Variants in C11orf71 observed in about 807,000 individuals in gnomAD.
C11orf71 encodes chromosome 11 open reading frame 71.
For missense variants in C11orf71, 179 were observed against 167.6 expected (o/e 1.07, Z -0.38); for synonymous variants, 72 against 73.4 (o/e 0.98, Z 0.09).
chr11:114,396,821 G>A (rs1021843725), downstream of C11orf71, among the ~76,000 whole-genome samples: 6 of 152,132 alleles, frequency 3.9e-5, no homozygotes, highest in Non-Finnish European at 8.8e-5. Context: ...TAATTCTGCT[G>A]GAAAGAAAGT....
chr11:114,391,736 A>G (rs1946074195), intron 1 of C11orf71: 1 of 591,648 alleles, frequency 1.7e-6, no homozygotes, highest in Admixed American at 3.5e-5. Context: ...TGTCCCAGCA[A>G]AAGGGATTCA....
At chr11:114,394,212 T>C (rs1176115520), downstream of C11orf71, among the ~76,000 whole-genome samples, 5 of 58,450 alleles carry the variant, frequency 8.6e-5, no homozygotes, top group South Asian at 5.0e-4. Context: ...TCTTTTCTTT[T>C]CTTTTCTTTT....
chr11:114,392,010 C>T (rs1438668248), intron 1 of C11orf71, among the ~76,000 whole-genome samples: 1 of 151,644 alleles, frequency 6.6e-6, no homozygotes, highest in Non-Finnish European at 1.5e-5. Context: ...GATTATCAAG[C>T]TGAGTTAAAC....
At position 114,399,701 on chromosome 11, in the gene C11orf71, C is replaced by T; in HGVS notation, c.*259G>A. ...TTGTTGACCTCTGGGGAGGGTGCTC[C>T]CATCAGCTCAGCTTTGTGACGACCT... is the stretch of plus-strand genomic sequence containing the variant. On this transcript the variant is annotated 3_prime_UTR_variant, in exon 1 of 1. Coordinates refer to ENST00000623205, the MANE Select transcript of C11orf71 (RefSeq NM_001271562.2). 3 of 463,930 alleles carry T rather than the reference C, an allele frequency of 6.5e-6. No homozygotes were observed. The highest frequency in any genetic ancestry group is 1.1e-5 in the Non-Finnish European group (3 of 267,486). 28.7% of individuals were successfully genotyped at this position (463,930 alleles called of 1,614,324 possible). A position where few individuals can be genotyped will look rare whatever the true frequency, so the allele number is the denominator to read the frequency against.
At chr11:114,391,897 C>T (rs372849673) in intron 1 of C11orf71, among the ~76,000 whole-genome samples, 6 of 149,034 alleles carry the variant, frequency 4.0e-5, no homozygotes, top group East Asian at 2.0e-4. Flanking sequence ...GGGATAGACA[C>T]GTAGTTAAAG....
chr11:114,394,174 G>GTTTCTTTTTTTTCT (rs1187890536), downstream of C11orf71, among the ~76,000 whole-genome samples: 1 of 77,520 alleles, frequency 1.3e-5, no homozygotes, highest in East Asian at 3.3e-4. Flanking sequence ...TAGAGACGGG[G>GTTTCTTTTTTTTCT]TTTCGTTTCT....
At chr11:114,391,585 A>G (rs998629056) in exon 2 of C11orf71, 3 of 1,528,746 alleles carry the variant, frequency 2.0e-6, no homozygotes, top group Middle Eastern at 1.7e-4. Context: ...AAAATTTCAA[A>G]AATATTTGAA....
downstream of C11orf71, among the ~76,000 whole-genome samples, chr11:114,394,179 G>GTTTCTTTTCTTTTCTTTTCTTTTCT (rs1226365240): frequency 1.0e-3 from 81 of 80,258 alleles, 3 homozygotes; most frequent in Middle Eastern, 6.8e-3. Context: ...ACGGGGTTTC[G>GTTTCTTTTCTTTTCTTTTCTTTTCT]TTTCTTTTCT....
At chr11:114,392,594 G>T (rs2365884) in intron 1 of C11orf71, among the ~76,000 whole-genome samples, 30,930 of 149,472 alleles carry the variant, frequency 0.21, 3,397 homozygotes, top group East Asian at 0.4. Context: ...AGCTGGGTAT[G>T]GTGGTGTGTG....
In C11orf71 at chr11:114,399,447, T is replaced by C. The variant is rs1946159402; in HGVS notation, c.*513A>G. Reference sequence around the variant, plus strand: ...CTTTGCCAAAGAAAGGAATAATAAATTGATTTAATAATTTGAAAGAACTGT... The same window carrying C: ...CTTTGCCAAAGAAAGGAATAATAAACTGATTTAATAATTTGAAAGAACTGT... On this transcript the variant is annotated 3_prime_UTR_variant, in exon 1 of 1. Transcript: ENST00000623205. 1 of 152,480 alleles carries C rather than the reference T, an allele frequency of 6.6e-6. No homozygotes were observed. The allele number at this position is 152,480 out of a possible 1,614,324, so 9.4% of individuals were successfully genotyped here.
At chr11:114,394,699 C>G (rs117925360), downstream of C11orf71, among the ~76,000 whole-genome samples, 1 of 152,008 alleles carries the variant, frequency 6.6e-6, no homozygotes, top group Non-Finnish European at 1.5e-5. Context: ...TGAGCCACCA[C>G]GCCCAGCCAG....
In C11orf71 at chr11:114,399,951, G is replaced by A. The variant is rs1946168048; in HGVS notation, c.*9C>T. On this transcript the variant is annotated 3_prime_UTR_variant, in exon 1 of 1. Transcript: ENST00000623205. ...CAAGCTAAGTGAGGGCCAGAGGAAAGGTGTTCGTTTAAACTGAAATTCGAG... is the reference window on the plus strand; with the variant it reads ...CAAGCTAAGTGAGGGCCAGAGGAAAAGTGTTCGTTTAAACTGAAATTCGAG... 2.4e-5 allele frequency: 38 copies of A among 1,588,004 alleles called. No homozygotes were observed. Among genetic ancestry groups the A allele is most frequent in the Non-Finnish European group, 3.2e-5 (37 of 1,161,522 alleles).
chr11:114,396,419 T>C (rs1355394619), downstream of C11orf71, among the ~76,000 whole-genome samples: 2 of 152,222 alleles, frequency 1.3e-5, no homozygotes, highest in East Asian at 3.8e-4. Context: ...GTGAAAGTTC[T>C]GTAGAATATA....
downstream of C11orf71, among the ~76,000 whole-genome samples, chr11:114,394,179 G>GTCT (rs1946095451): frequency 1.2e-5 from 1 of 80,286 alleles, no homozygotes; most frequent in Non-Finnish European, 2.5e-5. Context: ...ACGGGGTTTC[G>GTCT]TTTCTTTTCT....
In C11orf71 at chr11:114,400,460, C is replaced by CG; in HGVS notation, c.-130dup. 7.4e-7 allele frequency: 1 copy of CG among 1,346,288 alleles called. No individual in the cohort carries two copies. The highest frequency in any genetic ancestry group is 1.0e-6 in the Non-Finnish European group (1 of 1,003,836). 83.4% of individuals were successfully genotyped at this position (1,346,288 alleles called of 1,614,324 possible). A position where few individuals can be genotyped will look rare whatever the true frequency, so the allele number is the denominator to read the frequency against. On this transcript the variant is annotated 5_prime_UTR_variant, in exon 1 of 1. The change creates a premature stop within an existing upstream ORF in the 5' untranslated region. Coordinates refer to ENST00000623205, the MANE Select transcript of C11orf71 (RefSeq NM_001271562.2). ...ACACAGGAACCCATAACTGAGCCTG[C>CG]GGAAGAGCCAGAAGCCGCCTTGCCT...
chr11:114,394,238 T>TTTCTTTTCTTTTC (rs1565256551), downstream of C11orf71, among the ~76,000 whole-genome samples: 35 of 49,782 alleles, frequency 7.0e-4, 3 homozygotes, highest in African/African-American at 2.8e-3. Context: ...CTTTCTTTTC[T>TTTCTTTTCTTTTC]TTTCTTTTCT....
At chr11:114,395,278 C>A (rs906699395), downstream of C11orf71, among the ~76,000 whole-genome samples, 1 of 152,110 alleles carries the variant, frequency 6.6e-6, no homozygotes, top group Non-Finnish European at 1.5e-5. Context: ...TTTTGCTTAA[C>A]CTGGTTAAAA....
rs1946178719 is a variant in C11orf71, at chr11:114,400,428, A to T, written c.-97T>A. ...AGTCCAGCCTGTGTCGGACCCGATG[A>T]CTAAGCACACAGGAACCCATAACTG... On this transcript the variant is annotated 5_prime_UTR_variant, in exon 1 of 1. Coordinates refer to ENST00000623205, the MANE Select transcript of C11orf71 (RefSeq NM_001271562.2). The T allele has an allele frequency of 1.4e-6, 2 of 1,430,206 alleles. No homozygotes were observed. The highest frequency in any genetic ancestry group is 5.3e-5 in the Admixed American group (2 of 37,386). 88.6% of individuals were successfully genotyped at this position (1,430,206 alleles called of 1,614,324 possible).
Position 114,400,364 on chromosome 11 carries a change from T to A in C11orf71, c.-33A>T, listed in dbSNP as rs779150791. 8.3e-6 allele frequency: 13 copies of A among 1,564,404 alleles called. No individual in the cohort carries two copies. In the Admixed American group the frequency reaches 1.8e-4, roughly 22 times the overall value. On this transcript the variant is annotated 5_prime_UTR_variant, in exon 1 of 1. Transcript: ENST00000623205. The stretch of plus-strand genomic sequence containing the variant: ...CACTGCCCGCAGTACTTGCGTTACG[T>A]CCCTTTGTGAAGGCAGGCCCTTCGC...
Sources: gnomAD v4.1 joint callset for allele counts (sites outside exome capture counted in the v4.1 genomes callset) on GRCh38, gnomAD v4.1.1 for gene constraint, MANE v1.5 for transcripts, NCBI Gene and HGNC (gene_info 2026-07-23, HGNC 2026-07-21) for gene names.